Variants in KSR2 observed in about 807,000 individuals in gnomAD.
The protein encoded by KSR2 is kinase suppressor of ras 2.
A neutral mutation model predicts 107.8 loss-of-function variants in KSR2; 25 were observed. The ratio of observed to expected loss-of-function variants is 0.23; its 90% CI spans 0.17 to 0.32. The LOEUF (loss-of-function observed/expected upper bound fraction) is 0.32, where lower values mean the gene tolerates loss of function less well. KSR2 is among the 10% of genes least tolerant of loss of function. The pLI, the probability that KSR2 is intolerant of heterozygous loss-of-function variation, is 1.00. For synonymous variants in KSR2, 480 were observed against 507.0 expected (o/e 0.95, Z 0.71); for missense variants, 887 against 1,268.9 (o/e 0.70, Z 4.57).
intron 4 of KSR2, among the ~76,000 whole-genome samples, chr12:117,718,588 G>A (rs935971339): frequency 2.0e-5 from 3 of 152,188 alleles, no homozygotes; most frequent in African/African-American, 7.2e-5. Flanking sequence ...AGGGGCAGAT[G>A]GGGAAACTGA....
At chr12:117,692,216 T>C (rs1383623972) in intron 4 of KSR2, among the ~76,000 whole-genome samples, 1 of 151,972 alleles carries the variant, frequency 6.6e-6, no homozygotes, top group Non-Finnish European at 1.5e-5. Flanking sequence ...TGCTCAACAT[T>C]ATTAGTCATG....
At chr12:117,491,892 G>A (rs564380543) in intron 14 of KSR2, among the ~76,000 whole-genome samples, 1 of 152,202 alleles carries the variant, frequency 6.6e-6, no homozygotes, top group African/African-American at 2.4e-5. Flanking sequence ...TAGCTGTAAT[G>A]TCACTATCCC....
At chr12:117,559,747 C>T (rs921503918) in intron 7 of KSR2, among the ~76,000 whole-genome samples, 1 of 152,188 alleles carries the variant, frequency 6.6e-6, no homozygotes, top group Non-Finnish European at 1.5e-5. Context: ...CCTGACTTCA[C>T]AAAGATAATA....
chr12:117,643,377 G>A (rs1290788249), intron 5 of KSR2, among the ~76,000 whole-genome samples: 1 of 152,182 alleles, frequency 6.6e-6, no homozygotes, highest in Non-Finnish European at 1.5e-5. Flanking sequence ...AATCTGGGAA[G>A]CGGAGGCTGC....
chr12:117,881,556 C>G (rs982566826), intron 1 of KSR2, among the ~76,000 whole-genome samples: 4 of 152,252 alleles, frequency 2.6e-5, no homozygotes, highest in Non-Finnish European at 5.9e-5. Flanking sequence ...GTGACAACAA[C>G]ATTCCCCATT....
At chr12:117,539,964 G>A in intron 9 of KSR2, 77 bp from the exon 10 acceptor site, 1 of 1,263,934 alleles carries the variant, frequency 7.9e-7, no homozygotes, top group Non-Finnish European at 1.1e-6. Flanking sequence ...GGCTGAGCAG[G>A]AGAGGCCCCC....
intron 4 of KSR2, among the ~76,000 whole-genome samples, chr12:117,715,162 AG>A (rs982780464): frequency 1.8e-4 from 27 of 152,174 alleles, no homozygotes; most frequent in Admixed American, 1.0e-3. Flanking sequence ...TTCTTATTAA[AG>A]GGCACAGTCT....
chr12:117,726,198 A>AT (rs1235567071), intron 4 of KSR2, among the ~76,000 whole-genome samples: 2 of 152,036 alleles, frequency 1.3e-5, no homozygotes, highest in East Asian at 1.9e-4. Flanking sequence ...TAAAATAAAA[A>AT]TTTTTTTAAA....
chr12:117,528,175 A>T lies in KSR2; in HGVS notation c.1803-1056T>A, dbSNP rs1875353961. On this transcript the variant is annotated intron_variant, in intron 12 of 19. Coordinates refer to ENST00000339824, the MANE Select transcript of KSR2 (RefSeq NM_173598.6). ...GTGTACACACAGGATGTTGAGGGGG[A>T]TGCTGTATGCCGATAGTATAATTGG... 3.3e-5 allele frequency among the ~76,000 whole-genome samples: 5 copies of T among 151,864 alleles called. No individual in the cohort carries two copies. In the South Asian group the frequency reaches 1.0e-3, roughly 32 times the overall value.
intron 3 of KSR2, among the ~76,000 whole-genome samples, chr12:117,852,437 T>A (rs1892960817): frequency 6.7e-6 from 1 of 150,042 alleles, no homozygotes; most frequent in Admixed American, 6.6e-5. Flanking sequence ...TCAAAATAAA[T>A]AAATAAATAA....
intron 3 of KSR2, among the ~76,000 whole-genome samples, chr12:117,802,765 G>A (rs1330776834): frequency 6.7e-6 from 1 of 148,952 alleles, no homozygotes; most frequent in Admixed American, 6.6e-5. Flanking sequence ...TGGAATCTTT[G>A]GAATCAGGGT....
intron 4 of KSR2, among the ~76,000 whole-genome samples, chr12:117,679,530 G>A (rs146800961): frequency 7.9e-5 from 12 of 152,276 alleles, no homozygotes; most frequent in Admixed American, 4.6e-4. Flanking sequence ...TATCACATCC[G>A]CACCAGCACA....
intron 4 of KSR2, among the ~76,000 whole-genome samples, chr12:117,690,513 C>T (rs1159169173): frequency 1.3e-5 from 2 of 151,284 alleles, no homozygotes; most frequent in African/African-American, 4.9e-5. Context: ...TGCAGTGAGC[C>T]GAGATCACAC....
intron 3 of KSR2, among the ~76,000 whole-genome samples, chr12:117,819,007 C>G (rs1478774214): frequency 6.6e-6 from 1 of 152,112 alleles, no homozygotes; most frequent in East Asian, 1.9e-4. Context: ...TCTTATACCC[C>G]TTTTTTCCAG....
intron 8 of KSR2, among the ~76,000 whole-genome samples, chr12:117,558,231 G>A (rs1461622506): frequency 1.3e-5 from 2 of 152,218 alleles, no homozygotes; most frequent in Non-Finnish European, 2.9e-5. Flanking sequence ...ATTAGGAGAG[G>A]AGACAGGATG....
In KSR2 at chr12:117,866,038, C is replaced by CTTTT. The variant is rs397838492; in HGVS notation, c.181-5611_181-5608dup. The stretch of plus-strand genomic sequence containing the variant: ...CTCTGTAACACTTGCTAATCTCTCT[C>CTTTT]TTTTTTTTTTTTTTTTGAAACAAAT... On this transcript the variant is annotated intron_variant, in intron 1 of 19. Coordinates refer to ENST00000339824, the MANE Select transcript of KSR2 (RefSeq NM_173598.6). 3.0e-4 allele frequency among the ~76,000 whole-genome samples: 37 copies of CTTTT among 124,222 alleles called. 1 individual carries two copies. The highest frequency in any genetic ancestry group is 1.8e-3 in the East Asian group (8 of 4,366). 81.5% of individuals were successfully genotyped at this position (124,222 alleles called of 152,430 possible).
chr12:117,581,040 C>T (rs1879632702), intron 6 of KSR2, among the ~76,000 whole-genome samples: 1 of 152,228 alleles, frequency 6.6e-6, no homozygotes, highest in African/African-American at 2.4e-5. Flanking sequence ...TCTTTGATGC[C>T]TTTCTCTCTG....
chr12:117,505,775 T>C (rs1565876014), intron 14 of KSR2, among the ~76,000 whole-genome samples: 1 of 152,244 alleles, frequency 6.6e-6, no homozygotes, highest in East Asian at 1.9e-4. Context: ...ACCTCTTTTT[T>C]CTGCCACCTT....
chr12:117,523,651 C>A (rs1874913755), intron 14 of KSR2, among the ~76,000 whole-genome samples: 1 of 152,180 alleles, frequency 6.6e-6, no homozygotes, highest in African/African-American at 2.4e-5. Context: ...GTAAAGACAG[C>A]AAATGTGCTC....
Sources: allele counts gnomAD v4.1 joint callset (sites outside exome capture counted in the v4.1 genomes callset), GRCh38; gene constraint gnomAD v4.1.1; transcripts MANE v1.5; gene names NCBI Gene and HGNC (gene_info 2026-07-23, HGNC 2026-07-21).